RGS7: variants seen among roughly 807,000 people sequenced by gnomAD.
RGS7 encodes regulator of G-protein signaling 7.
In RGS7, 27 loss-of-function variants were observed where a neutral mutation model predicts 81.1. The observed-to-expected ratio is 0.33, with a 90% CI of 0.25 to 0.46. The LOEUF (loss-of-function observed/expected upper bound fraction) is 0.46, where lower values mean the gene tolerates loss of function less well. Ranked by LOEUF, RGS7 falls within the 20% of genes least tolerant of loss-of-function variation. RGS7 has a pLI of 1.00. For missense variants in RGS7, 396 were observed against 607.4 expected, an observed-to-expected ratio of 0.65 and a Z score of 3.66; for synonymous variants, 208 against 207.7, an observed-to-expected ratio of 1.00 and a Z score of -0.01.
Position 241,326,962 on chromosome 1 carries a change from AAGAG to A in RGS7, c.78+28733_78+28736del, listed in dbSNP as rs374037886. 6.9e-3 allele frequency among the ~76,000 whole-genome samples: 858 copies of A among 124,428 alleles called. 18 individuals carry two copies. The highest frequency in any genetic ancestry group is 0.024 in the African/African-American group (788 of 32,288). 81.6% of individuals were successfully genotyped at this position (124,428 alleles called of 152,430 possible). A position where few individuals can be genotyped will look rare whatever the true frequency, so the allele number is the denominator to read the frequency against. On this transcript the variant is annotated intron_variant, in intron 2 of 18. Transcript: ENST00000440928. ...AGAGAGAAATAAGCAGGAAGGAAGG[AAGAG>A]AGAGAGAGAGAGAGAAGAAAGGCAG... is the stretch of plus-strand genomic sequence containing the variant.
At chr1:241,162,222 G>GCCGCCCCCCCCCCGCCCC (rs68166816) in intron 2 of RGS7, among the ~76,000 whole-genome samples, 3 of 142,028 alleles carry the variant, frequency 2.1e-5, no homozygotes, top group Non-Finnish European at 4.7e-5. Context: ...CTGGTGATCA[G>GCCGCCCCCCCCCCGCCCC]CTTCCAAATA....
chr1:241,264,315 T>C (rs376057984), intron 2 of RGS7, among the ~76,000 whole-genome samples: 1 of 152,090 alleles, frequency 6.6e-6, no homozygotes, highest in East Asian at 1.9e-4. Context: ...CTGGCCAACA[T>C]GGTGAAAGCC....
chr1:240,972,235 G>A (rs530588712), intron 4 of RGS7, among the ~76,000 whole-genome samples: 1 of 152,188 alleles, frequency 6.6e-6, no homozygotes, highest in Non-Finnish European at 1.5e-5. Context: ...TGTTCAAAAA[G>A]GTGCAGGACA....
intron 3 of RGS7, among the ~76,000 whole-genome samples, chr1:241,037,404 A>G (rs1251199914): frequency 6.6e-6 from 1 of 152,170 alleles, no homozygotes; most frequent in African/African-American, 2.4e-5. Context: ...AAAAATATGG[A>G]AACAACCTAA....
chr1:241,130,927 C>CAAAAAA lies in RGS7; in HGVS notation c.79-32171_79-32166dup, dbSNP rs11365447. On this transcript the variant is annotated intron_variant, in intron 2 of 18. Transcript: ENST00000440928. Reference sequence around the variant, plus strand: ...AATAATAGGATAAAAGGCTTAATTACAAAAAAAAAAAAAAAAAACCAAGAG... The same window carrying CAAAAAA: ...AATAATAGGATAAAAGGCTTAATTACAAAAAAAAAAAAAAAAAAAAAAAACCAAGAG... Among the ~76,000 whole-genome samples the CAAAAAA allele has an allele frequency of 6.1e-3, 550 of 90,142 alleles. 3 individuals are homozygous for CAAAAAA. Among genetic ancestry groups the CAAAAAA allele is most frequent in the African/African-American group, 0.02 (522 of 26,506 alleles). 59.1% of individuals were successfully genotyped at this position (90,142 alleles called of 152,430 possible).
At chr1:240,916,290 AAAATAGAG>A (rs1672612938) in intron 6 of RGS7, among the ~76,000 whole-genome samples, 2 of 132,580 alleles carry the variant, frequency 1.5e-5, no homozygotes, top group African/African-American at 5.4e-5. Context: ...AAAAAAAAAA[AAAATAGAG>A]AGAGAAAGAG....
intron 2 of RGS7, among the ~76,000 whole-genome samples, chr1:241,166,664 C>T (rs184009608): frequency 6.6e-6 from 1 of 152,096 alleles, no homozygotes; most frequent in Non-Finnish European, 1.5e-5. Context: ...TCCAATAAAC[C>T]ACATTTCCAA....
chr1:241,091,100 T>C (rs1391675401), intron 3 of RGS7, among the ~76,000 whole-genome samples: 1 of 152,196 alleles, frequency 6.6e-6, no homozygotes, highest in African/African-American at 2.4e-5. Flanking sequence ...TGACCCTCTA[T>C]TTCCTTCTCT....
intron 2 of RGS7, among the ~76,000 whole-genome samples, chr1:241,262,827 G>A (rs1200501334): frequency 2.6e-5 from 4 of 152,056 alleles, no homozygotes; most frequent in East Asian, 1.9e-4. Flanking sequence ...TCAGCCAGGC[G>A]TGGTGATTCA....
At chr1:240,865,855 A>G (rs1663143634) in intron 9 of RGS7, among the ~76,000 whole-genome samples, 1 of 152,218 alleles carries the variant, frequency 6.6e-6, no homozygotes, top group South Asian at 2.1e-4. Context: ...AAATAGAGAT[A>G]GAGCTTATGT....
At position 241,119,701 on chromosome 1, in the gene RGS7, T is replaced by C. The variant is rs563843823; in HGVS notation, c.79-20939A>G. Among the ~76,000 whole-genome samples, 4 of 152,330 alleles carry C rather than the reference T, an allele frequency of 2.6e-5. No homozygotes were observed. In the East Asian group the frequency reaches 7.7e-4, roughly 29 times the overall value. On this transcript the variant is annotated intron_variant, in intron 2 of 18. Transcript: ENST00000440928. ...CCACTGATACAATGAGAAAAGCCTT[T>C]TACTATTGGAAAGCTCCCAGGCTCA...
At chr1:241,141,449 CT>C (rs1405214384) in intron 2 of RGS7, among the ~76,000 whole-genome samples, 1 of 152,166 alleles carries the variant, frequency 6.6e-6, no homozygotes, top group Non-Finnish European at 1.5e-5. Flanking sequence ...GACTGGGTAA[CT>C]TATAAAGGAA....
intron 2 of RGS7, among the ~76,000 whole-genome samples, chr1:241,315,104 C>CTTTTTTT (rs2080788834): frequency 8.8e-5 from 3 of 34,158 alleles, no homozygotes; most frequent in African/African-American, 2.4e-4. Flanking sequence ...TTTTCTTCTT[C>CTTTTTTT]TTCTTTTTTT....
chr1:241,146,262 CA>C (rs2068303142), intron 2 of RGS7, among the ~76,000 whole-genome samples: 1 of 152,056 alleles, frequency 6.6e-6, no homozygotes, highest in African/African-American at 2.4e-5. Flanking sequence ...TAGAGCACAA[CA>C]ACTATTTCAA....
intron 6 of RGS7, among the ~76,000 whole-genome samples, chr1:240,898,223 C>T (rs1220784806): frequency 1.3e-5 from 2 of 151,980 alleles, no homozygotes; most frequent in African/African-American, 4.8e-5. Flanking sequence ...TTGATCTTTT[C>T]AAAAAACCAG....
chr1:241,141,557 T>C (rs887600066), intron 2 of RGS7, among the ~76,000 whole-genome samples: 1 of 152,116 alleles, frequency 6.6e-6, no homozygotes, highest in African/African-American at 2.4e-5. Context: ...ATCTTCCTCA[T>C]AGGGTGGCAG....
chr1:241,314,110 T>C (rs2080720902), intron 2 of RGS7, among the ~76,000 whole-genome samples: 1 of 152,256 alleles, frequency 6.6e-6, no homozygotes. Flanking sequence ...TTTAAAATAT[T>C]ACATAAGCAT....
At chr1:240,985,949 TTAAATAAATAAATAAATAAATAAATAAA>T (rs71172667) in intron 3 of RGS7, among the ~76,000 whole-genome samples, 4 of 144,562 alleles carry the variant, frequency 2.8e-5, no homozygotes, top group African/African-American at 1.0e-4. Context: ...CAGCTTTATA[TTAAATAAATAAATAAATAAATAAATAAA>T]TAAATAAATA....
intron 2 of RGS7, among the ~76,000 whole-genome samples, chr1:241,343,371 T>A (rs12075823): frequency 0.14 from 20,926 of 152,150 alleles, 2,067 homozygotes; most frequent in South Asian, 0.26. Context: ...TATTTGTATA[T>A]CCATGTTCAC....
Sources: gnomAD v4.1 joint callset for allele counts (sites outside exome capture counted in the v4.1 genomes callset) on GRCh38, gnomAD v4.1.1 for gene constraint, MANE v1.5 for transcripts, NCBI Gene and HGNC (gene_info 2026-07-23, HGNC 2026-07-21) for gene names.